NOSTRIN: variants seen among roughly 807,000 people sequenced by gnomAD.
NOSTRIN encodes the protein nitric oxide synthase trafficking.
In NOSTRIN, 63 loss-of-function variants were observed where a neutral mutation model predicts 59.0. That is an observed-to-expected ratio of 1.07 (90% CI 0.87 to 1.32). The LOEUF (loss-of-function observed/expected upper bound fraction) is 1.32, where lower values mean the gene tolerates loss of function less well. Ranked by LOEUF, NOSTRIN falls within the 40% of genes most tolerant of loss-of-function variation. The probability of loss-of-function intolerance (pLI) is 0.00; values close to 1 mark genes in which losing one functional copy is unlikely to be tolerated. For missense variants in NOSTRIN, 512 were observed against 473.1 expected (o/e 1.08, Z -0.76); for synonymous variants, 200 against 165.4 (o/e 1.21, Z -1.61).
intron 8 of NOSTRIN, among the ~76,000 whole-genome samples, chr2:168,845,531 T>C (rs1023272568): frequency 6.6e-6 from 1 of 152,212 alleles, no homozygotes; most frequent in Non-Finnish European, 1.5e-5. Context: ...ATGATTATCT[T>C]CATTATCAGA....
At chr2:168,822,453 G>A (rs543560861) in intron 2 of NOSTRIN, among the ~76,000 whole-genome samples, 2 of 152,204 alleles carry the variant, frequency 1.3e-5, no homozygotes, top group Non-Finnish European at 2.9e-5. Flanking sequence ...ATGCCACGGA[G>A]TTAATTTGTG....
rs574864099 is a variant in NOSTRIN, at chr2:168,811,510, G to A, written c.28-57G>A. 4.6e-6 allele frequency: 3 copies of A among 655,016 alleles called. No individual in the cohort carries two copies. The highest frequency in any genetic ancestry group is 3.7e-5 in the African/African-American group (2 of 53,568). 40.6% of individuals were successfully genotyped at this position (655,016 alleles called of 1,614,324 possible). A position where few individuals can be genotyped will look rare whatever the true frequency, so the allele number is the denominator to read the frequency against. ...CTGAATTTATAGGTGCTCTATCTTCGGAGTTGCTCGTAATCTTCCTGTTCA... is the reference window on the plus strand; with the variant it reads ...CTGAATTTATAGGTGCTCTATCTTCAGAGTTGCTCGTAATCTTCCTGTTCA... On this transcript the variant is annotated intron_variant, in intron 1 of 15. Transcript: ENST00000317647.
chr2:168,790,823 G>T (rs1435004389), intron 2 of NOSTRIN, among the ~76,000 whole-genome samples: 1 of 152,154 alleles, frequency 6.6e-6, no homozygotes, highest in Admixed American at 6.5e-5. Context: ...TTTTGGTTTT[G>T]TTGGAGAACA....
intron 6 of NOSTRIN, among the ~76,000 whole-genome samples, chr2:168,833,819 A>G (rs975077685): frequency 2.1e-4 from 31 of 146,550 alleles, no homozygotes; most frequent in African/African-American, 7.4e-4. Context: ...ACAATCTCAA[A>G]TCGTGGCCTA....
chr2:168,863,765 C>A, intron 15 of NOSTRIN: 1 of 545,824 alleles, frequency 1.8e-6, no homozygotes, highest in Non-Finnish European at 2.3e-6. Flanking sequence ...ATACTTATAG[C>A]AGCCAACACG....
intron 7 of NOSTRIN, among the ~76,000 whole-genome samples, chr2:168,836,056 T>A (rs1687700138): frequency 6.6e-6 from 1 of 152,234 alleles, no homozygotes; most frequent in African/African-American, 2.4e-5. Flanking sequence ...CACCAGTAGC[T>A]CTTTCATCTG....
intron 7 of NOSTRIN, 65 bp from the exon 8 acceptor site, chr2:168,842,927 T>G: frequency 2.4e-6 from 2 of 837,084 alleles, no homozygotes; most frequent in Non-Finnish European, 4.1e-6. Flanking sequence ...TAATTATTAC[T>G]ATGGAATTAC....
At position 168,859,593 on chromosome 2, in the gene NOSTRIN, C is replaced by A; in HGVS notation, c.1135C>A (p.Pro379Thr). ...AGCAGAACTTGAGCAAAGACCTCAA[C>A]CCAGCCATCCTTGTAGTAATTCCAT... ...MLAELEQRPQ[P>T]SHPCSNSIFR... Residue 379 changes from proline to threonine, a missense_variant, in exon 13 of 16, where the codon CCC (proline) becomes ACC (threonine). By Grantham distance (38) the Pro-to-Thr change is conservative (BLOSUM62 -1). Transcript: ENST00000317647. The A allele has an allele frequency of 6.2e-7, 1 of 1,614,054 alleles. No individual in the cohort carries two copies. Among genetic ancestry groups the A allele is most frequent in the Middle Eastern group, 1.6e-4 (1 of 6,062 alleles).
rs753271123 is a variant in NOSTRIN at position 168,862,044 on chromosome 2, A to G, written c.1379A>G (p.Glu460Gly). Residue 460 changes from glutamate (E) to glycine (G), a missense_variant, in exon 15 of 16, where the codon GAA (glutamate) becomes GGA (glycine). Physicochemically the swap from Glu to Gly is moderately conservative, Grantham distance 98 (BLOSUM62 -2). Transcript: ENST00000317647. ...AGGCAAGATGATGAGTTGAATTTGG[A>G]AAAGGGTAAGAATCATTCTCAAATA... Reference protein sequence around the residue: ...QARQDDELNLEKGDIVIIHEK... With the variant: ...QARQDDELNLGKGDIVIIHEK... The G allele has an allele frequency of 3.1e-6, 5 of 1,613,512 alleles. No individual in the cohort carries two copies. The highest frequency in any genetic ancestry group is 4.2e-6 in the Non-Finnish European group (5 of 1,179,426).
upstream of NOSTRIN, among the ~76,000 whole-genome samples, chr2:168,799,114 A>G (rs1459650184): frequency 6.6e-6 from 1 of 152,158 alleles, no homozygotes; most frequent in African/African-American, 2.4e-5. Flanking sequence ...CTTGGCAAAC[A>G]ACTCAGGAGC....
At chr2:168,804,295 T>C (rs1685736010) in intron 1 of NOSTRIN, among the ~76,000 whole-genome samples, 1 of 152,174 alleles carries the variant, frequency 6.6e-6, no homozygotes, top group Non-Finnish European at 1.5e-5. Context: ...GGCCAAGGAC[T>C]CCTGTCCTTG....
intron 15 of NOSTRIN, among the ~76,000 whole-genome samples, chr2:168,862,457 GAA>G (rs1689524041): frequency 6.6e-6 from 1 of 152,208 alleles, no homozygotes; most frequent in South Asian, 2.1e-4. Flanking sequence ...GTCAGTGATG[GAA>G]AGTGATTAGA....
chr2:168,862,628 C>T (rs1010080431), intron 15 of NOSTRIN, among the ~76,000 whole-genome samples: 2 of 152,248 alleles, frequency 1.3e-5, no homozygotes, highest in Non-Finnish European at 2.9e-5. Flanking sequence ...AAGCTTTTTA[C>T]AGCCAGTCTA....
intron 1 of NOSTRIN, among the ~76,000 whole-genome samples, chr2:168,808,156 A>G (rs1279700489): frequency 1.3e-5 from 2 of 152,216 alleles, no homozygotes; most frequent in African/African-American, 2.4e-5. Flanking sequence ...TAACCCAAGC[A>G]CATAGAAAAA....
chr2:168,859,677 C>T, intron 13 of NOSTRIN, 40 bp downstream of exon 13: 1 of 1,607,486 alleles, frequency 6.2e-7, no homozygotes, highest in South Asian at 1.1e-5. Flanking sequence ...CTTGATTGGG[C>T]CTGCTGGGTG....
At chr2:168,822,538 A>C (rs899905559) in intron 2 of NOSTRIN, among the ~76,000 whole-genome samples, 21 of 152,232 alleles carry the variant, frequency 1.4e-4, no homozygotes, top group African/African-American at 4.8e-4. Flanking sequence ...TAATTCTAAA[A>C]TATAATAAAA....
rs749289733 is a variant in NOSTRIN at position 168,828,471 on chromosome 2, C to A, written c.312C>A (p.Val104=). ...ELEAIKPTYQ[V]LNVQEKKRKS... is the part of the protein sequence containing the mutation. Reference sequence around the variant, plus strand: ...AAGCAATAAAACCGACTTATCAAGTCCTAAATGTACAAGAGAAGAAGAGAA... The same window carrying A: ...AAGCAATAAAACCGACTTATCAAGTACTAAATGTACAAGAGAAGAAGAGAA... Residue 104 remains valine, a synonymous_variant, in exon 5 of 16, where the codon GTC becomes GTA. Coordinates refer to ENST00000317647, the MANE Select transcript of NOSTRIN (RefSeq NM_001039724.4). 10 of 871,588 alleles carry A rather than the reference C, an allele frequency of 1.1e-5. No homozygotes were observed. Among genetic ancestry groups the A allele is most frequent in the Non-Finnish European group, 1.6e-5 (8 of 501,394 alleles). The allele number at this position is 871,588 out of a possible 1,614,324, so 54.0% of individuals were successfully genotyped here.
chr2:168,830,727 T>C (rs1319818484), intron 5 of NOSTRIN, among the ~76,000 whole-genome samples: 2 of 152,204 alleles, frequency 1.3e-5, no homozygotes, highest in Non-Finnish European at 2.9e-5. Flanking sequence ...ATCTTTGAAA[T>C]TAAAGCAATA....
chr2:168,791,918 T>C (rs1428388042), intron 2 of NOSTRIN, among the ~76,000 whole-genome samples: 1 of 152,216 alleles, frequency 6.6e-6, no homozygotes, highest in Non-Finnish European at 1.5e-5. Context: ...AAAAATTTTC[T>C]CCCATTGTGT....
Sources: gnomAD v4.1 joint callset for allele counts (sites outside exome capture counted in the v4.1 genomes callset) on GRCh38, gnomAD v4.1.1 for gene constraint, MANE v1.5 for transcripts, NCBI Gene and HGNC (gene_info 2026-07-23, HGNC 2026-07-21) for gene names.